Variants in CARD19 observed in about 807,000 individuals in gnomAD.
CARD19 encodes the protein caspase recruitment domain-containing protein 19.
In CARD19, 25 loss-of-function variants were observed where a neutral mutation model predicts 24.1. That is an observed-to-expected ratio of 1.04 (90% CI 0.76 to 1.45). The LOEUF (loss-of-function observed/expected upper bound fraction) is 1.45. Ranked by LOEUF, CARD19 falls within the 40% of genes most tolerant of loss-of-function variation. CARD19 has a pLI of 0.00. For synonymous variants in CARD19, 103 were observed against 104.9 expected, an observed-to-expected ratio of 0.98 and a Z score of 0.11; for missense variants, 241 against 247.4, an observed-to-expected ratio of 0.97 and a Z score of 0.17.
At chr9:93,098,557 T>G (rs1395170534) in intron 1 of CARD19, among the ~76,000 whole-genome samples, 1 of 152,220 alleles carries the variant, frequency 6.6e-6, no homozygotes, top group Non-Finnish European at 1.5e-5. Flanking sequence ...CGAGCCATCT[T>G]CCTTTGTCCT....
At position 93,096,497 on chromosome 9, in the gene CARD19, G is replaced by A. The variant is rs1158615808; in HGVS notation, c.7+145G>A. The A allele has an allele frequency of 1.5e-5, 11 of 752,068 alleles. No individual in the cohort carries two copies. The highest frequency in any genetic ancestry group is 2.0e-5 in the Non-Finnish European group (11 of 555,230). The allele number at this position is 752,068 out of a possible 1,614,324, so 46.6% of individuals were successfully genotyped here. A position where few individuals can be genotyped will look rare whatever the true frequency, so the allele number is the denominator to read the frequency against. Reference sequence around the variant, plus strand: ...GACCTTGGCCCGTCAGCTGTCGGTGGTGCGCGAGTGCACCCCCGCGAAGTG... The same window carrying A: ...GACCTTGGCCCGTCAGCTGTCGGTGATGCGCGAGTGCACCCCCGCGAAGTG... On this transcript the variant is annotated intron_variant, in intron 1 of 5. Transcript: ENST00000375464. This position sits in a 1 kb window ranked among gnomAD's most constrained non-coding sequence, Gnocchi z 5.4.
rs1564213973 is a variant in CARD19, at chr9:93,112,985, C to A, written c.437-7C>A. On this transcript the variant is annotated splice_region_variant and splice_polypyrimidine_tract_variant and intron_variant, in intron 5 of 5. Transcript: ENST00000375464. The stretch of plus-strand genomic sequence containing the variant: ...CTTGAGCTTTTGCCTCCCCTTTTGT[C>A]TTCTAGACCCCAAGGGCCTGCCAGG... The A allele has an allele frequency of 1.3e-6, 2 of 1,598,094 alleles. No individual in the cohort carries two copies. The highest frequency in any genetic ancestry group is 1.7e-6 in the Non-Finnish European group (2 of 1,169,850).
chr9:93,096,426 C>T lies in CARD19; in HGVS notation c.7+74C>T. 1 of 1,199,814 alleles carries T rather than the reference C, an allele frequency of 8.3e-7. No homozygotes were observed. Among genetic ancestry groups the T allele is most frequent in the East Asian group, 3.2e-5 (1 of 30,854 alleles). The allele number at this position is 1,199,814 out of a possible 1,614,324, so 74.3% of individuals were successfully genotyped here. ...GTGGCCCGGCCCGGGGGTCCGGCTG[C>T]CTTGCGAGTCGCCTGCAGGCCGCGC... is the stretch of plus-strand genomic sequence containing the variant. On this transcript the variant is annotated intron_variant, in intron 1 of 5. Coordinates refer to ENST00000375464, the MANE Select transcript of CARD19 (RefSeq NM_032310.5). This position sits in a 1 kb window ranked among gnomAD's most constrained non-coding sequence, Gnocchi z 5.4.
At chr9:93,110,495 C>T (rs369512341) in intron 2 of CARD19, 73 bp from the exon 3 acceptor site, 2 of 1,518,866 alleles carry the variant, frequency 1.3e-6, no homozygotes, top group East Asian at 2.3e-5. Flanking sequence ...GGGGGCCTGA[C>T]CTTGGTGCCC....
At chr9:93,112,139 C>T in intron 4 of CARD19, 79 bp from the exon 5 acceptor site, 3 of 1,441,208 alleles carry the variant, frequency 2.1e-6, no homozygotes, top group South Asian at 1.2e-5. Context: ...CACCCCCACT[C>T]CCCTGCGCAG....
At chr9:93,098,502 A>T (rs551954105) in intron 1 of CARD19, among the ~76,000 whole-genome samples, 1 of 152,166 alleles carries the variant, frequency 6.6e-6, no homozygotes, top group African/African-American at 2.4e-5. Flanking sequence ...GCAAGAAGGA[A>T]GGGGATGTAG....
At chr9:93,101,974 T>A (rs1196013134) in intron 1 of CARD19, among the ~76,000 whole-genome samples, 4 of 150,912 alleles carry the variant, frequency 2.7e-5, no homozygotes, top group African/African-American at 9.7e-5. Context: ...TTTTTTTTTT[T>A]AATTTGAGAC....
intron 1 of CARD19, among the ~76,000 whole-genome samples, chr9:93,100,919 C>T (rs181909273): frequency 8.5e-4 from 129 of 152,308 alleles, no homozygotes; most frequent in African/African-American, 3.0e-3. Context: ...CTTTTTAGGG[C>T]TGAGTAATAT....
intron 3 of CARD19, chr9:93,111,125 C>A: frequency 8.0e-7 from 1 of 1,251,444 alleles, no homozygotes; most frequent in Admixed American, 2.7e-5. Flanking sequence ...CTGGAATTAC[C>A]CAACCCCATG....
chr9:93,099,564 C>T (rs769125791), intron 1 of CARD19, among the ~76,000 whole-genome samples: 7 of 152,160 alleles, frequency 4.6e-5, no homozygotes, highest in Admixed American at 6.6e-5. Context: ...TTGTAGGTGA[C>T]GTAGGGCTCA....
Position 93,107,724 on chromosome 9 carries a change from C to T in CARD19, c.58C>T (p.His20Tyr). 6.2e-7 allele frequency: 1 copy of T among 1,614,222 alleles called. No homozygotes were observed. The highest frequency in any genetic ancestry group is 1.6e-4 in the Middle Eastern group (1 of 6,062). ...LVQDTPFLTG[H>Y]GRLSEQQVDR... Reference sequence around the variant, plus strand: ...GCAGGACACGCCTTTCCTGACAGGCCATGGGCGCTTGAGTGAGCAGCAGGT... The same window carrying T: ...GCAGGACACGCCTTTCCTGACAGGCTATGGGCGCTTGAGTGAGCAGCAGGT... The change falls in exon 2 of 6, where the codon CAT becomes TAT. Residue 20 changes from histidine (H) to tyrosine (Y), a missense_variant. By Grantham distance (83) the His-to-Tyr change is moderately conservative. Coordinates refer to ENST00000375464, the MANE Select transcript of CARD19 (RefSeq NM_032310.5).
chr9:93,106,716 C>G (rs1827277324), intron 1 of CARD19, among the ~76,000 whole-genome samples: 3 of 151,816 alleles, frequency 2.0e-5, no homozygotes, highest in Admixed American at 1.3e-4. Flanking sequence ...TTACTGCCTT[C>G]TTTTGTGTTT....
intron 2 of CARD19, among the ~76,000 whole-genome samples, chr9:93,108,275 T>C (rs944183327): frequency 6.6e-6 from 1 of 152,184 alleles, no homozygotes; most frequent in African/African-American, 2.4e-5. Flanking sequence ...CTTTGCACTC[T>C]GCATCTTCCG....
Position 93,112,570 on chromosome 9 carries a change from A to G in CARD19, c.436+281A>G, listed in dbSNP as rs147108950. Among the ~76,000 whole-genome samples, 700 of 152,300 alleles carry G rather than the reference A, an allele frequency of 4.6e-3. 3 individuals are homozygous for G. The highest frequency in any genetic ancestry group is 0.015 in the African/African-American group (604 of 41,574). Reference sequence around the variant, plus strand: ...TCTGGGTGTTACAAAGCCCTGCCACATCTGTGACCTTGAACCATGTGGGGC... The same window carrying G: ...TCTGGGTGTTACAAAGCCCTGCCACGTCTGTGACCTTGAACCATGTGGGGC... On this transcript the variant is annotated intron_variant, in intron 5 of 5. Transcript: ENST00000375464.
intron 4 of CARD19, 129 bp from the exon 5 acceptor site, chr9:93,112,089 G>T: frequency 1.5e-6 from 2 of 1,337,018 alleles, no homozygotes; most frequent in Non-Finnish European, 1.0e-6. Context: ...CCCCCCTAAG[G>T]TGCTCGTTTG....
intron 3 of CARD19, 150 bp from the exon 4 acceptor site, chr9:93,111,729 T>A: frequency 6.8e-7 from 1 of 1,468,690 alleles, no homozygotes; most frequent in South Asian, 1.4e-5. Context: ...CTGTGCATAG[T>A]TCCCTGAGGA....
chr9:93,108,342 C>T (rs560299807), intron 2 of CARD19, among the ~76,000 whole-genome samples: 24 of 152,242 alleles, frequency 1.6e-4, no homozygotes, highest in South Asian at 1.2e-3. Flanking sequence ...TATTACTGTA[C>T]GAGGCTGGAA....
At chr9:93,105,426 G>A (rs568559367) in intron 1 of CARD19, among the ~76,000 whole-genome samples, 3 of 152,140 alleles carry the variant, frequency 2.0e-5, no homozygotes, top group South Asian at 4.2e-4. Flanking sequence ...GATTACAAGC[G>A]TGCGCCAACA....
At chr9:93,112,311 T>A in intron 5 of CARD19, 22 bp downstream of exon 5, 1 of 1,540,128 alleles carries the variant, frequency 6.5e-7, no homozygotes, top group Non-Finnish European at 8.7e-7. Context: ...CGGATCCTCA[T>A]GGGGCTGGGC....
Sources: gnomAD v4.1 joint callset for allele counts (sites outside exome capture counted in the v4.1 genomes callset) on GRCh38, gnomAD v4.1.1 for gene constraint, Gnocchi (gnomAD v3.1) non-coding constraint, MANE v1.5 for transcripts, NCBI Gene and HGNC (gene_info 2026-07-23, HGNC 2026-07-21) for gene names.